NELL1: variants seen among roughly 807,000 people sequenced by gnomAD.
NELL1 encodes the protein neural EGFL like 1, also known as protein kinase C-binding protein NELL1.
In NELL1, 76 loss-of-function variants were observed where a neutral mutation model predicts 107.4. The ratio of observed to expected loss-of-function variants is 0.71; its 90% CI spans 0.59 to 0.86. The LOEUF is 0.86. Ranked by LOEUF, NELL1 falls within the 40% of genes least tolerant of loss-of-function variation. The pLI is 0.00. For missense variants in NELL1, 1,024 were observed against 1,005.5 expected (o/e 1.02, Z -0.25); for synonymous variants, 353 against 341.2 (o/e 1.03, Z -0.38).
At chr11:20,983,463 A>T (rs758270574) in intron 12 of NELL1, among the ~76,000 whole-genome samples, 3 of 152,098 alleles carry the variant, frequency 2.0e-5, no homozygotes, top group Non-Finnish European at 4.4e-5. Flanking sequence ...AAGATGTATG[A>T]TCTCTGCCCT....
At chr11:20,885,575 T>A (rs774818945) in intron 5 of NELL1, 35 bp downstream of exon 5, 3 of 1,243,802 alleles carry the variant, frequency 2.4e-6, no homozygotes. Context: ...GAAGTATATA[T>A]ATAGGCGATG....
chr11:21,066,953 CA>C (rs1853889234), intron 12 of NELL1, among the ~76,000 whole-genome samples: 1 of 134,104 alleles, frequency 7.5e-6, no homozygotes, highest in Non-Finnish European at 1.6e-5. Flanking sequence ...GACTCCATTG[CA>C]AAAAAATTTA....
chr11:21,151,283 G>C (rs1463105135), intron 13 of NELL1, among the ~76,000 whole-genome samples: 3 of 152,094 alleles, frequency 2.0e-5, no homozygotes, highest in Non-Finnish European at 4.4e-5. Context: ...CATCATTTCT[G>C]CATGTCTTTG....
chr11:21,169,857 A>AG, intron 13 of NELL1: 1 of 1,415,986 alleles, frequency 7.1e-7, no homozygotes, highest in South Asian at 1.2e-5. Flanking sequence ...GAGTCCCCCC[A>AG]GGAAGAGTTG....
intron 12 of NELL1, among the ~76,000 whole-genome samples, chr11:21,056,432 C>T (rs1012851941): frequency 6.6e-6 from 1 of 152,084 alleles, no homozygotes; most frequent in Non-Finnish European, 1.5e-5. Flanking sequence ...CTGTTTTACT[C>T]TTCATCTAAC....
chr11:21,196,116 T>C (rs1857146537), intron 13 of NELL1, among the ~76,000 whole-genome samples: 1 of 152,174 alleles, frequency 6.6e-6, no homozygotes, highest in Admixed American at 6.6e-5. Flanking sequence ...TAACATTTGC[T>C]ACATAAGTGG....
chr11:21,547,919 A>T (rs2133986005), intron 16 of NELL1, among the ~76,000 whole-genome samples: 1 of 152,024 alleles, frequency 6.6e-6, no homozygotes, highest in East Asian at 2.0e-4. Flanking sequence ...ATGACTGCCT[A>T]AAACTGTTTG....
intron 4 of NELL1, among the ~76,000 whole-genome samples, chr11:20,849,461 T>C (rs1004798564): frequency 7.9e-5 from 12 of 152,184 alleles, no homozygotes; most frequent in African/African-American, 2.9e-4. Flanking sequence ...TTTCATACTC[T>C]GTATGTCCTT....
chr11:21,021,431 G>T (rs1852698522), intron 12 of NELL1, among the ~76,000 whole-genome samples: 2 of 152,044 alleles, frequency 1.3e-5, no homozygotes, highest in Admixed American at 6.6e-5. Context: ...AGGAACTTTG[G>T]TTCCCCCAAA....
At chr11:20,702,301 C>T (rs192806632) in intron 2 of NELL1, among the ~76,000 whole-genome samples, 10,171 of 152,160 alleles carry the variant, frequency 0.067, 455 homozygotes, top group Middle Eastern at 0.14. Context: ...CATGATTTGG[C>T]TCTCTGTTTG....
chr11:20,715,726 T>C (rs1855234293), intron 2 of NELL1, among the ~76,000 whole-genome samples: 2 of 152,226 alleles, frequency 1.3e-5, no homozygotes, highest in African/African-American at 2.4e-5. Flanking sequence ...TTGATGATCC[T>C]TTCACTCAGA....
At chr11:20,726,456 A>G (rs1319097352) in intron 2 of NELL1, among the ~76,000 whole-genome samples, 1 of 152,152 alleles carries the variant, frequency 6.6e-6, no homozygotes, top group Non-Finnish European at 1.5e-5. Context: ...AAAGATAACC[A>G]TAATCTGACT....
chr11:20,744,099 A>G (rs1203960272), intron 2 of NELL1, among the ~76,000 whole-genome samples: 3 of 152,176 alleles, frequency 2.0e-5, no homozygotes, highest in African/African-American at 7.2e-5. Flanking sequence ...CTGTGTCCAT[A>G]GCCACAATCT....
intron 12 of NELL1, among the ~76,000 whole-genome samples, chr11:21,080,197 A>G (rs1231315500): frequency 6.6e-6 from 1 of 152,014 alleles, no homozygotes; most frequent in Admixed American, 6.6e-5. Flanking sequence ...ATTAAATATA[A>G]TGGCTTTATT....
intron 14 of NELL1, among the ~76,000 whole-genome samples, chr11:21,291,238 T>C (rs1387945030): frequency 6.6e-6 from 1 of 152,164 alleles, no homozygotes; most frequent in African/African-American, 2.4e-5. Context: ...GAAGACAGGA[T>C]ATCATTATTA....
chr11:20,716,624 A>G (rs1358208093), intron 2 of NELL1, among the ~76,000 whole-genome samples: 1 of 152,204 alleles, frequency 6.6e-6, no homozygotes, highest in Non-Finnish European at 1.5e-5. Context: ...CAAGATAGAT[A>G]GTAGAGAGGG....
At chr11:21,343,561 C>T (rs1850622045) in intron 14 of NELL1, among the ~76,000 whole-genome samples, 1 of 152,116 alleles carries the variant, frequency 6.6e-6, no homozygotes, top group Non-Finnish European at 1.5e-5. Context: ...TCTGTTGCTG[C>T]CACAACAGTC....
At chr11:21,552,696 A>G (rs960119551) in intron 16 of NELL1, among the ~76,000 whole-genome samples, 7 of 151,766 alleles carry the variant, frequency 4.6e-5, no homozygotes, top group African/African-American at 1.2e-4. Flanking sequence ...TTAGCATTTT[A>G]TAGAAGAAAT....
intron 15 of NELL1, among the ~76,000 whole-genome samples, chr11:21,494,854 T>C (rs961976390): frequency 1.3e-5 from 2 of 152,064 alleles, no homozygotes; most frequent in African/African-American, 4.8e-5. Context: ...TTGTTCCTAT[T>C]GACTTTTCTC....
Sources: gnomAD v4.1 joint callset for allele counts (sites outside exome capture counted in the v4.1 genomes callset) on GRCh38, gnomAD v4.1.1 for gene constraint, MANE v1.5 for transcripts, NCBI Gene and HGNC (gene_info 2026-07-23, HGNC 2026-07-21) for gene names.